Variants in PSMD1 observed in about 807,000 individuals in gnomAD.
PSMD1 encodes the protein proteasome 26S subunit, non-ATPase 1.
In PSMD1, 18 loss-of-function variants were observed where a neutral mutation model predicts 119.0. That is an observed-to-expected ratio of 0.15 (90% CI 0.10 to 0.22). PSMD1 has a LOEUF of 0.22. Ranked by LOEUF, PSMD1 falls within the 10% of genes least tolerant of loss-of-function variation. The pLI, the probability that PSMD1 is intolerant of heterozygous loss-of-function variation, is 1.00. For synonymous variants in PSMD1, 374 were observed against 396.6 expected (o/e 0.94, Z 0.68); for missense variants, 702 against 1,158.5 (o/e 0.61, Z 5.72).
At chr2:231,106,129 A>G (rs1039047289) in intron 16 of PSMD1, among the ~76,000 whole-genome samples, 1 of 151,596 alleles carries the variant, frequency 6.6e-6, no homozygotes, top group Middle Eastern at 3.4e-3. Context: ...TTAACTGCTG[A>G]GATTTGCTTT....
At chr2:231,061,410 C>T (rs1693755358) in intron 2 of PSMD1, 100 bp downstream of exon 2, 2 of 1,042,398 alleles carry the variant, frequency 1.9e-6, no homozygotes, top group African/African-American at 3.3e-5. Context: ...AGTTGCTGTC[C>T]TAGCTGGCTT....
chr2:231,169,559 A>C (rs1378214795), intron 23 of PSMD1, among the ~76,000 whole-genome samples: 2 of 152,238 alleles, frequency 1.3e-5, no homozygotes, highest in African/African-American at 4.8e-5. Context: ...CCAGTTTTAT[A>C]GCATGGCAGG....
In PSMD1 at chr2:231,080,909, G is replaced by C. The variant is rs182337324; in HGVS notation, c.1413+595G>C. ...TGTAATTCCAGCACTTTGGAAGGCCGAGGCGGGTGGATCACCTGAAGTGAG... is the reference window on the plus strand; with the variant it reads ...TGTAATTCCAGCACTTTGGAAGGCCCAGGCGGGTGGATCACCTGAAGTGAG... On this transcript the variant is annotated intron_variant, in intron 12 of 24. Coordinates refer to ENST00000308696, the MANE Select transcript of PSMD1 (RefSeq NM_002807.4). 4.6e-5 allele frequency among the ~76,000 whole-genome samples: 7 copies of C among 151,994 alleles called. No individual in the cohort carries two copies. The East Asian group carries it at 1.4e-3, about 29-fold the overall frequency.
intron 16 of PSMD1, among the ~76,000 whole-genome samples, chr2:231,132,727 A>G (rs1233213754): frequency 6.6e-6 from 1 of 152,244 alleles, no homozygotes; most frequent in Non-Finnish European, 1.5e-5. Context: ...ATTGGAATCC[A>G]GGTCTTTCTG....
chr2:231,161,911 A>G (rs1346045782), intron 20 of PSMD1, among the ~76,000 whole-genome samples: 1 of 152,248 alleles, frequency 6.6e-6, no homozygotes, highest in East Asian at 1.9e-4. Flanking sequence ...ACTCATTACA[A>G]TGCTATTGCA....
chr2:231,138,088 C>A (rs1696014671), intron 16 of PSMD1, among the ~76,000 whole-genome samples: 1 of 152,200 alleles, frequency 6.6e-6, no homozygotes, highest in Non-Finnish European at 1.5e-5. Context: ...CAAGGATAGC[C>A]ACTGTGCCAG....
intron 19 of PSMD1, among the ~76,000 whole-genome samples, chr2:231,160,689 A>G (rs1696616414): frequency 6.6e-6 from 1 of 152,218 alleles, no homozygotes; most frequent in Admixed American, 6.5e-5. Flanking sequence ...GCAGATTAAT[A>G]CTTAATTTAG....
intron 4 of PSMD1, among the ~76,000 whole-genome samples, chr2:231,066,439 T>C (rs1452515718): frequency 2.6e-5 from 4 of 152,244 alleles, no homozygotes; most frequent in Non-Finnish European, 4.4e-5. Context: ...TGTTTGTTTT[T>C]TGAAAGTGAA....
At position 231,161,395 on chromosome 2, in the gene PSMD1, T is replaced by C. The variant is rs775352446; in HGVS notation, c.2274T>C (p.Pro758=). The change falls in exon 20 of 25, where the codon CCT becomes CCC. Residue 758 remains proline, a synonymous_variant. Coordinates refer to ENST00000308696, the MANE Select transcript of PSMD1 (RefSeq NM_002807.4). ...CCAGGACTGGGCATACTCATATGCC[T>C]TCTGTGGTTGGCGTCCTTGTATTTA... ...LQSRTGHTHM[P]SVVGVLVFTQ... The C allele has an allele frequency of 6.2e-7, 1 of 1,613,698 alleles. No individual in the cohort carries two copies. Among genetic ancestry groups the C allele is most frequent in the South Asian group, 1.1e-5 (1 of 91,072 alleles).
In PSMD1 at chr2:231,057,055, G is replaced by A; in HGVS notation, c.16+14G>A. 2.0e-6 allele frequency: 3 copies of A among 1,517,824 alleles called. No homozygotes were observed. Among genetic ancestry groups the A allele is most frequent in the East Asian group, 2.7e-5 (1 of 37,488 alleles). The allele number at this position is 1,517,824 out of a possible 1,614,324, so 94.0% of individuals were successfully genotyped here. ...TCACCTCGGCCGGTGAGTGCGGCCC[G>A]TAGCCAGCGCCTGGAGGGAGGAGCC... On this transcript the variant is annotated intron_variant, in intron 1 of 24. Transcript: ENST00000308696.
intron 10 of PSMD1, 65 bp from the exon 11 acceptor site, chr2:231,079,471 G>A: frequency 8.6e-7 from 1 of 1,161,394 alleles, no homozygotes; most frequent in Non-Finnish European, 1.2e-6. Context: ...TAACCTTAGA[G>A]TTAAAAAGCT....
intron 16 of PSMD1, among the ~76,000 whole-genome samples, chr2:231,116,835 G>C (rs1158489776): frequency 6.6e-6 from 1 of 152,048 alleles, no homozygotes; most frequent in Non-Finnish European, 1.5e-5. Flanking sequence ...ATTTATAAGA[G>C]AGATGAATCT....
At chr2:231,121,575 G>A (rs2125229252) in intron 16 of PSMD1, among the ~76,000 whole-genome samples, 1 of 152,188 alleles carries the variant, frequency 6.6e-6, no homozygotes, top group Non-Finnish European at 1.5e-5. Context: ...TCAGCTGCTG[G>A]ATACCTATTT....
Position 231,085,095 on chromosome 2 carries a change from G to A in PSMD1, c.1799G>A (p.Arg600Gln), listed in dbSNP as rs1026785505. The A allele has an allele frequency of 8.1e-6, 13 of 1,613,566 alleles. No homozygotes were observed. Among genetic ancestry groups the A allele is most frequent in the African/African-American group, 6.7e-5 (5 of 74,900 alleles). The change falls in exon 15 of 25, where the codon CGA becomes CAA. Residue 600 changes from arginine to glutamine, a missense_variant. This residue lies in a region of PSMD1 where 272 missense variants were observed against 511.6 expected (regional missense o/e 0.53). Transcript: ENST00000308696. Reference sequence around the variant, plus strand: ...GGCTCTGGTAACAACAAAGCAATTCGACGCCTGCTACATGTTGCTGTAAGT... The same window carrying A: ...GGCTCTGGTAACAACAAAGCAATTCAACGCCTGCTACATGTTGCTGTAAGT... ...YCGSGNNKAI[R>Q]RLLHVAVSDV...
chr2:231,130,959 TGAAA>T (rs940268377), intron 16 of PSMD1, among the ~76,000 whole-genome samples: 1 of 152,224 alleles, frequency 6.6e-6, no homozygotes, highest in African/African-American at 2.4e-5. Context: ...TGAAAATAAC[TGAAA>T]GAAAGCCTAG....
At chr2:231,096,504 T>C (rs1694729725) in intron 16 of PSMD1, among the ~76,000 whole-genome samples, 1 of 152,202 alleles carries the variant, frequency 6.6e-6, no homozygotes, top group Admixed American at 6.5e-5. Flanking sequence ...TTAAGATTTC[T>C]CCCAACTGGT....
At chr2:231,134,514 TAAGAAA>T (rs1309539231) in intron 16 of PSMD1, among the ~76,000 whole-genome samples, 1 of 152,212 alleles carries the variant, frequency 6.6e-6, no homozygotes, top group Non-Finnish European at 1.5e-5. Context: ...CACCAGGTCT[TAAGAAA>T]GATAGAGAGG....
chr2:231,064,807 A>T (rs1053041184), intron 4 of PSMD1, among the ~76,000 whole-genome samples: 12 of 152,088 alleles, frequency 7.9e-5, no homozygotes, highest in African/African-American at 2.9e-4. Flanking sequence ...CTGGGATGAC[A>T]GGTGCACACT....
intron 19 of PSMD1, among the ~76,000 whole-genome samples, chr2:231,158,609 T>C (rs7567557): frequency 0.023 from 3,545 of 152,292 alleles, 140 homozygotes; most frequent in African/African-American, 0.081. Context: ...TTAGATCAAA[T>C]AGCACGTTAG....
Sources: allele counts gnomAD v4.1 joint callset (sites outside exome capture counted in the v4.1 genomes callset), GRCh38; gene constraint gnomAD v4.1.1; regional missense constraint gnomAD v4.1.1; transcripts MANE v1.5; gene names NCBI Gene and HGNC (gene_info 2026-07-23, HGNC 2026-07-21).